Variants in MSRA observed in about 807,000 individuals in gnomAD.
MSRA encodes methionine sulfoxide reductase A.
MSRA carries 54 observed loss-of-function variants against 31.3 expected under a neutral mutation model. That is an observed-to-expected ratio of 1.73 (90% CI 1.39 to 2.17). The LOEUF (loss-of-function observed/expected upper bound fraction) is 2.17. MSRA is among the 30% of genes most tolerant of loss of function. MSRA has a pLI of 0.00. For missense variants in MSRA, 507 were observed against 300.9 expected, an observed-to-expected ratio of 1.69 and a Z score of -5.07; for synonymous variants, 169 against 116.5, an observed-to-expected ratio of 1.45 and a Z score of -2.90.
intron 5 of MSRA, among the ~76,000 whole-genome samples, chr8:10,354,794 A>G: frequency 6.8e-6 from 1 of 147,912 alleles, no homozygotes; most frequent in East Asian, 2.0e-4. Flanking sequence ...TATATAATAA[A>G]ATGTTATTTT....
intron 1 of MSRA, among the ~76,000 whole-genome samples, chr8:10,161,633 A>G (rs930213213): frequency 5.3e-5 from 8 of 152,166 alleles, no homozygotes; most frequent in Non-Finnish European, 1.0e-4. Flanking sequence ...TTTTGGTAAG[A>G]AGAGGCGGAT....
intron 1 of MSRA, among the ~76,000 whole-genome samples, chr8:10,165,055 A>G (rs1245489620): frequency 2.6e-5 from 4 of 152,164 alleles, no homozygotes; most frequent in African/African-American, 9.7e-5. Context: ...TCTGGGCTGC[A>G]TCCTAGACCA....
intron 1 of MSRA, among the ~76,000 whole-genome samples, chr8:10,118,209 G>A (rs750401678): frequency 2.0e-5 from 3 of 152,082 alleles, no homozygotes; most frequent in Non-Finnish European, 2.9e-5. Context: ...TATAGCCTTG[G>A]CAGCTATAAT....
intron 5 of MSRA, among the ~76,000 whole-genome samples, chr8:10,409,821 G>T (rs760986509): frequency 1.3e-5 from 2 of 152,258 alleles, no homozygotes; most frequent in Non-Finnish European, 2.9e-5. Flanking sequence ...CAGTACTTTG[G>T]AAGGCTGAGG....
intron 3 of MSRA, among the ~76,000 whole-genome samples, chr8:10,273,782 T>G (rs573649139): frequency 9.9e-5 from 15 of 152,084 alleles, no homozygotes; most frequent in Non-Finnish European, 1.9e-4. Context: ...GGGCTACTTT[T>G]CAGGCAACAC....
chr8:10,219,229 C>T (rs920664278), intron 2 of MSRA, among the ~76,000 whole-genome samples: 3 of 152,180 alleles, frequency 2.0e-5, no homozygotes, highest in East Asian at 1.9e-4. Context: ...TCACCTGGAG[C>T]GCTTTTTCAC....
At chr8:10,290,405 A>G (rs1800168096) in intron 3 of MSRA, among the ~76,000 whole-genome samples, 2 of 151,974 alleles carry the variant, frequency 1.3e-5, no homozygotes, top group Admixed American at 1.3e-4. Flanking sequence ...TGGCTAGATG[A>G]CCTTTCAGGT....
intron 2 of MSRA, among the ~76,000 whole-genome samples, chr8:10,210,998 A>G (rs1264637561): frequency 6.6e-6 from 1 of 152,024 alleles, no homozygotes; most frequent in African/African-American, 2.4e-5. Flanking sequence ...AGCCTCCCCA[A>G]ATGCCGGGAT....
At chr8:10,424,629 G>T (rs537541314) in intron 5 of MSRA, among the ~76,000 whole-genome samples, 7 of 149,614 alleles carry the variant, frequency 4.7e-5, no homozygotes, top group African/African-American at 1.7e-4. Context: ...GTGGGATCAG[G>T]GAGAAGGGTC....
At chr8:10,242,041 G>T (rs1252988471) in intron 2 of MSRA, among the ~76,000 whole-genome samples, 1 of 152,194 alleles carries the variant, frequency 6.6e-6, no homozygotes, top group South Asian at 2.1e-4. Context: ...GGAGGCGGAG[G>T]GGGGCAGATC....
intron 2 of MSRA, among the ~76,000 whole-genome samples, chr8:10,218,599 G>C (rs1035774784): frequency 1.6e-4 from 24 of 152,282 alleles, no homozygotes; most frequent in Non-Finnish European, 2.5e-4. Context: ...TTTATCAACT[G>C]TATGGTTACT....
intron 1 of MSRA, among the ~76,000 whole-genome samples, chr8:10,062,291 G>A (rs558129894): frequency 6.6e-6 from 1 of 152,324 alleles, no homozygotes; most frequent in East Asian, 1.9e-4. Context: ...GCAACCCTCT[G>A]GGGATGTATG....
chr8:10,305,135 A>G (rs934710308), intron 4 of MSRA, among the ~76,000 whole-genome samples: 1 of 152,114 alleles, frequency 6.6e-6, no homozygotes, highest in Non-Finnish European at 1.5e-5. Flanking sequence ...GGGGCCTTAA[A>G]TTTTTTTGGT....
intron 5 of MSRA, among the ~76,000 whole-genome samples, chr8:10,329,516 C>T: frequency 6.6e-6 from 1 of 152,212 alleles, no homozygotes; most frequent in East Asian, 1.9e-4. Context: ...CATCTCAACC[C>T]CCCTTATTTA....
At chr8:10,075,437 C>T (rs556452998) in intron 1 of MSRA, among the ~76,000 whole-genome samples, 2 of 152,304 alleles carry the variant, frequency 1.3e-5, no homozygotes, top group South Asian at 4.1e-4. Flanking sequence ...GTATGTGTGT[C>T]CAGTGGCTGA....
At chr8:10,059,873 A>C (rs973131828) in intron 1 of MSRA, among the ~76,000 whole-genome samples, 2 of 152,216 alleles carry the variant, frequency 1.3e-5, no homozygotes, top group Non-Finnish European at 2.9e-5. Flanking sequence ...TAAGCATATA[A>C]AAAGATGCTC....
In MSRA at chr8:10,072,163, C is replaced by T. The variant is rs572045570; in HGVS notation, c.142+17505C>T. Reference sequence around the variant, plus strand: ...CATGAGCTTGCAGCAGTGAGAGATACGTATTCCACACAAGGCATAAGCCTG... The same window carrying T: ...CATGAGCTTGCAGCAGTGAGAGATATGTATTCCACACAAGGCATAAGCCTG... On this transcript the variant is annotated intron_variant, in intron 1 of 5. Transcript: ENST00000317173. Among the ~76,000 whole-genome samples, 11 of 152,256 alleles carry T rather than the reference C, an allele frequency of 7.2e-5. No homozygotes were observed. The South Asian group carries it at 1.5e-3, about 20-fold the overall frequency.
chr8:10,418,129 C>T (rs560570224), intron 5 of MSRA, among the ~76,000 whole-genome samples: 1 of 152,088 alleles, frequency 6.6e-6, no homozygotes, highest in African/African-American at 2.4e-5. Flanking sequence ...AAAAAGTGAT[C>T]ACAAAATGAA....
chr8:10,239,099 G>A (rs368994729), intron 2 of MSRA, among the ~76,000 whole-genome samples: 102 of 152,146 alleles, frequency 6.7e-4, no homozygotes, highest in African/African-American at 2.4e-3. Flanking sequence ...ACGAGTGTAC[G>A]TGAGTGGCCC....
Sources: allele counts gnomAD v4.1 joint callset (sites outside exome capture counted in the v4.1 genomes callset), GRCh38; gene constraint gnomAD v4.1.1; transcripts MANE v1.5; gene names NCBI Gene and HGNC (gene_info 2026-07-23, HGNC 2026-07-21).